The following MAML3 variants were observed in gnomAD, a reference collection of about 807,000 sequenced individuals.
MAML3 encodes mastermind like transcriptional coactivator 3.
Under a neutral mutation model 101.9 loss-of-function variants are expected in MAML3, and 27 were observed. That is an observed-to-expected ratio of 0.27 (90% CI 0.20 to 0.37). The LOEUF (loss-of-function observed/expected upper bound fraction) is 0.37. MAML3 is among the 10% of genes least tolerant of loss of function. MAML3 has a pLI of 1.00. For missense variants in MAML3, 1,316 were observed against 1,444.9 expected, an observed-to-expected ratio of 0.91 and a Z score of 1.45; for synonymous variants, 501 against 555.9, an observed-to-expected ratio of 0.90 and a Z score of 1.39.
chr4:140,071,787 G>GAGAGA (rs1265006286), intron 1 of MAML3, among the ~76,000 whole-genome samples: 2 of 151,264 alleles, frequency 1.3e-5, no homozygotes, highest in African/African-American at 4.9e-5. Flanking sequence ...GAGAGAGAGA[G>GAGAGA]AAGGCACGCA....
chr4:139,877,192 A>G (rs1732131968), intron 2 of MAML3, among the ~76,000 whole-genome samples: 1 of 152,216 alleles, frequency 6.6e-6, no homozygotes, highest in African/African-American at 2.4e-5. Flanking sequence ...TGTATTGGAA[A>G]TCTAACTAAC....
intron 1 of MAML3, among the ~76,000 whole-genome samples, chr4:140,150,869 T>C (rs1681077121): frequency 6.6e-6 from 1 of 152,018 alleles, no homozygotes; most frequent in Non-Finnish European, 1.5e-5. Context: ...GTGTCAGTGG[T>C]TTTCGGTTTC....
chr4:139,922,153 T>C (rs1733141585), intron 1 of MAML3, among the ~76,000 whole-genome samples: 1 of 151,986 alleles, frequency 6.6e-6, no homozygotes, highest in South Asian at 2.1e-4. Flanking sequence ...AGTAATACTG[T>C]CTCCTGCGTT....
chr4:139,941,539 TTGTTGGTGGTGG>T (rs960210914), intron 1 of MAML3, among the ~76,000 whole-genome samples: 25 of 146,528 alleles, frequency 1.7e-4, no homozygotes, highest in African/African-American at 8.2e-5. Flanking sequence ...GTTGTTGTTG[TTGTTGGTGGTGG>T]TGGTGGTGGT....
At chr4:139,861,759 T>TG (rs1193228345) in intron 2 of MAML3, among the ~76,000 whole-genome samples, 1 of 152,108 alleles carries the variant, frequency 6.6e-6, no homozygotes, top group African/African-American at 2.4e-5. Flanking sequence ...GTACCCTCAG[T>TG]GGGCCTAGTT....
At position 139,890,358 on chromosome 4, in the gene MAML3, C is replaced by A; in HGVS notation, c.1078G>T (p.Asp360Tyr). Residue 360 changes from aspartate (D) to tyrosine (Y), a missense_variant, in exon 2 of 5, where the codon GAC becomes TAC. Asp to Tyr is a radical substitution (Grantham distance 160). Coordinates refer to ENST00000509479, the MANE Select transcript of MAML3 (RefSeq NM_018717.5). This position sits in a 1 kb window ranked among gnomAD's most constrained non-coding sequence, Gnocchi z 4.1. ...TGTGCGAAGGGAGAGTGAGAGGGGT[C>A]GCTCTTCACGCTCGCACTCTCCTGG... ...LSQESASVKS[D>Y]PSHSPFAHVS... 1 of 1,601,394 alleles carries A rather than the reference C, an allele frequency of 6.2e-7. No individual in the cohort carries two copies. The highest frequency in any genetic ancestry group is 8.5e-7 in the Non-Finnish European group (1 of 1,172,412).
At chr4:139,875,916 C>CAAAAAAAA (rs57104878) in intron 2 of MAML3, among the ~76,000 whole-genome samples, 1 of 81,564 alleles carries the variant, frequency 1.2e-5, no homozygotes. Context: ...TCACAAACAG[C>CAAAAAAAA]AAAAAAAAAA....
At chr4:139,782,059 C>T (rs34469021) in intron 2 of MAML3, among the ~76,000 whole-genome samples, 30,802 of 152,000 alleles carry the variant, frequency 0.2, 3,293 homozygotes, top group Non-Finnish European at 0.22. Context: ...ACAAAGAGAT[C>T]TGAGTAATAA....
intron 2 of MAML3, among the ~76,000 whole-genome samples, chr4:139,767,675 T>C (rs963340996): frequency 2.6e-5 from 4 of 152,368 alleles, no homozygotes; most frequent in African/African-American, 9.6e-5. Context: ...TTTAAATTTA[T>C]TCTCACATAG....
intron 2 of MAML3, among the ~76,000 whole-genome samples, chr4:139,881,136 C>G (rs1732211732): frequency 6.6e-6 from 1 of 152,110 alleles, no homozygotes; most frequent in East Asian, 1.9e-4. Context: ...GATGGGAGTG[C>G]AAAAAGGAAA....
Position 140,153,488 on chromosome 4 carries a change from G to T in MAML3, c.-161C>A. On this transcript the variant is annotated 5_prime_UTR_variant, in exon 1 of 5. Transcript: ENST00000509479. ...CCCGACGGGGCGAAAAAAACGGGGG[G>T]GGAGATTTTGGGGTGGTTTTTGTTT... is the stretch of plus-strand genomic sequence containing the variant. 1 of 750,768 alleles carries T rather than the reference G, an allele frequency of 1.3e-6. No homozygotes were observed. Among genetic ancestry groups the T allele is most frequent in the Non-Finnish European group, 2.0e-6 (1 of 505,516 alleles). 46.5% of individuals were successfully genotyped at this position (750,768 alleles called of 1,614,324 possible). A position where few individuals can be genotyped will look rare whatever the true frequency, so the allele number is the denominator to read the frequency against.
chr4:140,076,925 T>C (rs756656520), intron 1 of MAML3, among the ~76,000 whole-genome samples: 37 of 152,160 alleles, frequency 2.4e-4, no homozygotes, highest in Non-Finnish European at 5.0e-4. Flanking sequence ...AGTCTCACTC[T>C]GTTGCCAAGG....
intron 1 of MAML3, among the ~76,000 whole-genome samples, chr4:139,941,941 C>T (rs1733609454): frequency 6.6e-6 from 1 of 152,084 alleles, no homozygotes; most frequent in South Asian, 2.1e-4. Flanking sequence ...CAAGACCAGC[C>T]TGGGCAACAT....
chr4:139,905,335 C>CA (rs1352842445), intron 1 of MAML3, among the ~76,000 whole-genome samples: 1 of 151,432 alleles, frequency 6.6e-6, no homozygotes, highest in Non-Finnish European at 1.5e-5. Context: ...ACTAAAAATA[C>CA]AAAAAAATTA....
rs537541233 is a variant in MAML3 at position 140,042,719 on chromosome 4, C to T, written c.468+110141G>A. On this transcript the variant is annotated intron_variant, in intron 1 of 4. Transcript: ENST00000509479. ...ACCCAGTCACACAGGGGCCATGTGACAAGACAGTGTTGCGGGGATTTGGCT... is the reference window on the plus strand; with the variant it reads ...ACCCAGTCACACAGGGGCCATGTGATAAGACAGTGTTGCGGGGATTTGGCT... Among the ~76,000 whole-genome samples, 11 of 152,196 alleles carry T rather than the reference C, an allele frequency of 7.2e-5. No individual in the cohort carries two copies. In the South Asian group the frequency reaches 1.0e-3, roughly 14 times the overall value.
chr4:139,903,626 C>G (rs1732767942), intron 1 of MAML3, among the ~76,000 whole-genome samples: 1 of 152,172 alleles, frequency 6.6e-6, no homozygotes, highest in South Asian at 2.1e-4. Context: ...AGAGTCTTTA[C>G]AGAGGTTAAG....
chr4:139,841,415 TA>T (rs1439987375), intron 2 of MAML3, among the ~76,000 whole-genome samples: 1 of 152,228 alleles, frequency 6.6e-6, no homozygotes, highest in African/African-American at 2.4e-5. Context: ...GGTTCTCAAA[TA>T]ATCAAACGAA....
chr4:139,821,537 CA>C (rs1003647856), intron 2 of MAML3, among the ~76,000 whole-genome samples: 1 of 152,152 alleles, frequency 6.6e-6, no homozygotes, highest in African/African-American at 2.4e-5. Context: ...TCCCTGGTGC[CA>C]AAAAGGTTGG....
In MAML3 at chr4:139,889,607, G is replaced by A. The variant is rs375619777; in HGVS notation, c.1829C>T (p.Ala610Val). Residue 610 changes from alanine to valine, a missense_variant, in exon 2 of 5, where the codon GCA becomes GTA. Physicochemically the swap from Ala to Val is moderately conservative, Grantham distance 64. Coordinates refer to ENST00000509479, the MANE Select transcript of MAML3 (RefSeq NM_018717.5). ...TGGTGTCATCCTCTGACTCAGGTCT[G>A]CATTGAAGTGGGTCAGGGGTTTAGT... ...GNTKPLTHFN[A>V]DLSQRMTPPV... 1 of 1,613,828 alleles carries A rather than the reference G, an allele frequency of 6.2e-7. No homozygotes were observed. The highest frequency in any genetic ancestry group is 1.3e-5 in the African/African-American group (1 of 74,900).
Sources: allele counts gnomAD v4.1 joint callset (sites outside exome capture counted in the v4.1 genomes callset), GRCh38; gene constraint gnomAD v4.1.1; non-coding constraint Gnocchi (gnomAD v3.1); transcripts MANE v1.5; gene names NCBI Gene and HGNC (gene_info 2026-07-23, HGNC 2026-07-21).